ANKS1B: variants seen among roughly 807,000 people sequenced by gnomAD.
ANKS1B encodes ankyrin repeat and sterile alpha motif domain containing 1B.
Under a neutral mutation model 148.3 loss-of-function variants are expected in ANKS1B, and 36 were observed. The ratio of observed to expected loss-of-function variants is 0.24; its 90% CI spans 0.19 to 0.32. The LOEUF is 0.32. Among genes scored for constraint, ANKS1B ranks in the 10% least tolerant of loss-of-function variants. The pLI, the probability that ANKS1B is intolerant of heterozygous loss-of-function variation, is 1.00. For missense variants in ANKS1B, 1,157 were observed against 1,542.6 expected (o/e 0.75, Z 4.19); for synonymous variants, 542 against 560.8 (o/e 0.97, Z 0.47).
chr12:99,366,363 T>G (rs2092767975), intron 12 of ANKS1B, among the ~76,000 whole-genome samples: 1 of 152,194 alleles, frequency 6.6e-6, no homozygotes, highest in South Asian at 2.1e-4. Context: ...TTCTTGCTTT[T>G]GCTAGCCTGT....
intron 14 of ANKS1B, among the ~76,000 whole-genome samples, chr12:99,169,366 CA>C (rs2077515173): frequency 6.6e-6 from 1 of 152,010 alleles, no homozygotes; most frequent in South Asian, 2.1e-4. Flanking sequence ...GCAGAGGCAG[CA>C]GTTAATTATG....
At chr12:99,259,031 A>G (rs950666096) in intron 12 of ANKS1B, among the ~76,000 whole-genome samples, 1 of 152,212 alleles carries the variant, frequency 6.6e-6, no homozygotes, top group African/African-American at 2.4e-5. Flanking sequence ...TGCACTGATG[A>G]AGAATTAGAT....
At chr12:98,785,368 G>C (rs2098782275) in intron 22 of ANKS1B, among the ~76,000 whole-genome samples, 1 of 152,122 alleles carries the variant, frequency 6.6e-6, no homozygotes, top group Non-Finnish European at 1.5e-5. Flanking sequence ...TATTCAGGAG[G>C]CCGAGGCAGT....
chr12:99,533,999 A>G (rs1462539739), intron 9 of ANKS1B, among the ~76,000 whole-genome samples: 2 of 152,344 alleles, frequency 1.3e-5, no homozygotes, highest in African/African-American at 2.4e-5. Context: ...TAACAGAAAC[A>G]TTAATTATTT....
intron 17 of ANKS1B, among the ~76,000 whole-genome samples, chr12:99,009,847 A>AC (rs992840416): frequency 6.6e-6 from 1 of 151,916 alleles, no homozygotes; most frequent in Non-Finnish European, 1.5e-5. Flanking sequence ...TATGCAAAAA[A>AC]AAAAAAACAA....
chr12:98,943,153 T>C (rs1457060894), intron 17 of ANKS1B, among the ~76,000 whole-genome samples: 2 of 152,234 alleles, frequency 1.3e-5, no homozygotes, highest in Non-Finnish European at 2.9e-5. Context: ...CTGCTATTTC[T>C]TGAAGTGTCC....
At chr12:99,358,892 A>G (rs960428121) in intron 12 of ANKS1B, among the ~76,000 whole-genome samples, 9 of 152,188 alleles carry the variant, frequency 5.9e-5, no homozygotes, top group African/African-American at 1.9e-4. Context: ...GAATTCTACT[A>G]CAGATAGGCT....
chr12:98,779,565 T>C (rs2098713971), intron 24 of ANKS1B, among the ~76,000 whole-genome samples: 1 of 152,102 alleles, frequency 6.6e-6, no homozygotes, highest in African/African-American at 2.4e-5. Flanking sequence ...TTTCCAAGCA[T>C]AAATGGGATA....
At chr12:98,855,785 T>C (rs1294648483) in intron 17 of ANKS1B, among the ~76,000 whole-genome samples, 1 of 152,156 alleles carries the variant, frequency 6.6e-6, no homozygotes, top group Non-Finnish European at 1.5e-5. Flanking sequence ...TCTTCAAATG[T>C]TTGTAAACTG....
At chr12:99,391,585 G>A (rs2094072013) in intron 12 of ANKS1B, among the ~76,000 whole-genome samples, 5 of 152,184 alleles carry the variant, frequency 3.3e-5, no homozygotes, top group Admixed American at 3.3e-4. Context: ...GGCACACCCT[G>A]AGTAAACATA....
intron 8 of ANKS1B, among the ~76,000 whole-genome samples, chr12:99,748,583 C>T (rs7132901): frequency 0.44 from 66,370 of 151,772 alleles, 14,916 homozygotes; most frequent in South Asian, 0.61. Flanking sequence ...TTTTTCTAGA[C>T]ACCAGTAATA....
chr12:99,440,827 A>G (rs1308848980), intron 11 of ANKS1B, among the ~76,000 whole-genome samples: 1 of 151,872 alleles, frequency 6.6e-6, no homozygotes, highest in East Asian at 1.9e-4. Flanking sequence ...AAACTACATA[A>G]AGGTATACAA....
At chr12:99,727,247 C>T (rs1242529908) in intron 8 of ANKS1B, among the ~76,000 whole-genome samples, 2 of 152,048 alleles carry the variant, frequency 1.3e-5, no homozygotes, top group Non-Finnish European at 2.9e-5. Context: ...AACCCAGCAT[C>T]TCAGCCCCAA....
rs923107543 is a variant in ANKS1B at position 99,968,672 on chromosome 12, T to A, written c.134+15432A>T. 5.9e-5 allele frequency among the ~76,000 whole-genome samples: 9 copies of A among 152,210 alleles called. 1 individual carries two copies. Among genetic ancestry groups the A allele is most frequent in the Admixed American group, 2.0e-4 (3 of 15,276 alleles). The stretch of plus-strand genomic sequence containing the variant: ...AATCCCACGTACATGGTTTAGATGT[T>A]TGTTCCCTCCAAATCTCATACCGAA... On this transcript the variant is annotated intron_variant, in intron 1 of 26. Coordinates refer to ENST00000683438, the MANE Select transcript of ANKS1B (RefSeq NM_001352186.2).
At chr12:99,428,865 C>T (rs1457683134) in intron 11 of ANKS1B, among the ~76,000 whole-genome samples, 2 of 152,042 alleles carry the variant, frequency 1.3e-5, no homozygotes, top group Non-Finnish European at 2.9e-5. Context: ...ATGAGATAAG[C>T]CTAGAAATCC....
At chr12:99,659,394 A>T (rs1427324834) in intron 8 of ANKS1B, among the ~76,000 whole-genome samples, 1 of 105,636 alleles carries the variant, frequency 9.5e-6, no homozygotes, top group Non-Finnish European at 1.8e-5. Flanking sequence ...AGATGTGAAA[A>T]TTCTACTATA....
rs568467984 is a variant in ANKS1B at position 98,944,011 on chromosome 12, G to C, written c.2778+109146C>G. ...TCACACAAATGGGGGTTGTTTAAAA[G>C]AGCCTGGGCTGGGCACGGTGGCTCA... On this transcript the variant is annotated intron_variant, in intron 17 of 26. Coordinates refer to ENST00000683438, the MANE Select transcript of ANKS1B (RefSeq NM_001352186.2). Among the ~76,000 whole-genome samples the C allele has an allele frequency of 2.0e-3, 305 of 152,250 alleles. 1 individual carries two copies. Among genetic ancestry groups the C allele is most frequent in the African/African-American group, 7.1e-3 (293 of 41,546 alleles).
intron 1 of ANKS1B, among the ~76,000 whole-genome samples, chr12:99,831,230 C>CA (rs546884271): frequency 0.077 from 6,445 of 83,638 alleles, 349 homozygotes; most frequent in African/African-American, 0.2. Context: ...TCAAAGAAAG[C>CA]AAAAAAAAAA....
At chr12:99,457,395 T>C (rs1234146298) in intron 10 of ANKS1B, among the ~76,000 whole-genome samples, 1 of 151,014 alleles carries the variant, frequency 6.6e-6, no homozygotes, top group Non-Finnish European at 1.5e-5. Context: ...AGGCAACAAA[T>C]AGCATGATAA....
Sources: gnomAD v4.1 joint callset for allele counts (sites outside exome capture counted in the v4.1 genomes callset) on GRCh38, gnomAD v4.1.1 for gene constraint, MANE v1.5 for transcripts, NCBI Gene and HGNC (gene_info 2026-07-23, HGNC 2026-07-21) for gene names.